SAMD15: variants seen among roughly 807,000 people sequenced by gnomAD.
SAMD15 encodes the protein sterile alpha motif domain containing 15.
A neutral mutation model predicts 50.5 loss-of-function variants in SAMD15; 37 were observed. That is an observed-to-expected ratio of 0.73 (90% CI 0.56 to 0.96). The LOEUF (loss-of-function observed/expected upper bound fraction) is 0.96. Ranked by LOEUF, SAMD15 falls within the 40% of genes least tolerant of loss-of-function variation. The pLI is 0.00. For missense variants in SAMD15, 789 were observed against 783.8 expected, an observed-to-expected ratio of 1.01 and a Z score of -0.08; for synonymous variants, 255 against 282.8, an observed-to-expected ratio of 0.90 and a Z score of 0.99.
intron 2 of SAMD15, among the ~76,000 whole-genome samples, chr14:77,386,097 C>G (rs142278551): frequency 1.2e-3 from 189 of 152,180 alleles, no homozygotes; most frequent in African/African-American, 4.3e-3. Context: ...CTCAAGCAAT[C>G]CACCCACCTT....
At position 77,391,357 on chromosome 14, in the gene SAMD15, AGAGTCTT is replaced by A; in HGVS notation, c.*115_*121del. 1.4e-6 allele frequency: 1 copy of A among 693,804 alleles called. No individual in the cohort carries two copies. Among genetic ancestry groups the A allele is most frequent in the Non-Finnish European group, 2.4e-6 (1 of 421,316 alleles). 43.0% of individuals were successfully genotyped at this position (693,804 alleles called of 1,614,324 possible). A position where few individuals can be genotyped will look rare whatever the true frequency, so the allele number is the denominator to read the frequency against. ...TTTTTTTTTTTTATTTTTTTGAGAC[AGAGTCTT>A]GCTCTGTCGCCCAGGCTGGAGTGCA... is the stretch of plus-strand genomic sequence containing the variant. On this transcript the variant is annotated 3_prime_UTR_variant, in exon 3 of 3. Coordinates refer to ENST00000216471, the MANE Select transcript of SAMD15 (RefSeq NM_001010860.4).
In SAMD15 at chr14:77,378,534, T is replaced by A; in HGVS notation, c.1116T>A (p.Asn372Lys). 2 of 1,612,866 alleles carry A rather than the reference T, an allele frequency of 1.2e-6. No homozygotes were observed. The highest frequency in any genetic ancestry group is 8.5e-7 in the Non-Finnish European group (1 of 1,179,738). ...EEIRKSNEKK[N>K]PQPPEETGPV... ...TAAGAAAGTCAAATGAGAAAAAAAA[T>A]CCACAGCCACCAGAGGAGACTGGTC... Residue 372 changes from asparagine to lysine, a missense_variant, in exon 1 of 3, where the codon AAT becomes AAA. Asn to Lys is a moderately conservative substitution (Grantham distance 94, BLOSUM62 0). This residue lies in a region of SAMD15 where 770 missense variants were observed against 745.4 expected (regional missense o/e 1.03). Coordinates refer to ENST00000216471, the MANE Select transcript of SAMD15 (RefSeq NM_001010860.4).
At chr14:77,383,721 C>T (rs1489144054) in intron 2 of SAMD15, among the ~76,000 whole-genome samples, 1 of 152,082 alleles carries the variant, frequency 6.6e-6, no homozygotes, top group Non-Finnish European at 1.5e-5. Context: ...GCCTGTAATC[C>T]CAGCACTTTG....
chr14:77,378,904 G>T lies in SAMD15; in HGVS notation c.1486G>T (p.Asp496Tyr), dbSNP rs151304084. The change falls in exon 1 of 3, where the codon GAT becomes TAT. Residue 496 changes from aspartate (D) to tyrosine (Y), a missense_variant. Asp to Tyr is a radical substitution (Grantham distance 160). Around this residue, in one of 2 missense-constraint regions of SAMD15, gnomAD observed 770 missense variants for 745.4 expected, o/e 1.03. Transcript: ENST00000216471. ...LNVSEECSYS[D>Y]PSESQTELSE... is the part of the protein sequence containing the mutation. ...TGTCAGTGAAGAATGCTCATACTCA[G>T]ATCCCTCAGAGTCTCAGACAGAATT... The T allele has an allele frequency of 6.2e-7, 1 of 1,614,036 alleles. No homozygotes were observed.
chr14:77,390,564 T>C (rs1200298252), intron 2 of SAMD15, among the ~76,000 whole-genome samples: 2 of 152,152 alleles, frequency 1.3e-5, no homozygotes, highest in Admixed American at 6.6e-5. Context: ...AGTAAGCCTG[T>C]GAATTTGTTT....
chr14:77,377,459 A>G lies in SAMD15; in HGVS notation c.41A>G (p.Glu14Gly). The change falls in exon 1 of 3, where the codon GAA becomes GGA. Residue 14 changes from glutamate (E) to glycine (G), a missense_variant. By Grantham distance (98) the Glu-to-Gly change is moderately conservative. Transcript: ENST00000216471. Reference protein sequence around the residue: ...VPEDYDSGPDEDGELEPERPE... With the variant: ...VPEDYDSGPDGDGELEPERPE... ...GAGGATTATGATTCCGGCCCAGATG[A>G]AGATGGAGAGCTGGAGCCTGAGAGG... 2 of 1,613,710 alleles carry G rather than the reference A, an allele frequency of 1.2e-6. No homozygotes were observed. The highest frequency in any genetic ancestry group is 1.7e-6 in the Non-Finnish European group (2 of 1,179,864).
rs192675089 is a variant in SAMD15 at position 77,378,713 on chromosome 14, A to G, written c.1295A>G (p.Tyr432Cys). ...AGGCCAGAACCAATAAAGTCTAAGTATTCTGTAGGAAACGATGAGCTAGAG... is the reference window on the plus strand; with the variant it reads ...AGGCCAGAACCAATAAAGTCTAAGTGTTCTGTAGGAAACGATGAGCTAGAG... ...EDRPEPIKSKYSVGNDELEHR... is the reference protein window; with the variant it reads ...EDRPEPIKSKCSVGNDELEHR... Residue 432 changes from tyrosine to cysteine, a missense_variant, in exon 1 of 3, where the codon TAT (tyrosine) becomes TGT (cysteine). Physicochemically the swap from Tyr to Cys is radical, Grantham distance 194. Around this residue, in one of 2 missense-constraint regions of SAMD15, gnomAD observed 770 missense variants for 745.4 expected, o/e 1.03. Transcript: ENST00000216471. The G allele has an allele frequency of 7.7e-4, 1,240 of 1,613,864 alleles. 12 individuals are homozygous for G. The South Asian group carries it at 0.012, about 16-fold the overall frequency.
At chr14:77,390,927 G>C (rs1594864184) in intron 2 of SAMD15, 81 bp from the exon 3 acceptor site, 1 of 849,736 alleles carries the variant, frequency 1.2e-6, no homozygotes, top group East Asian at 2.4e-5. Flanking sequence ...TATTCAAGAG[G>C]CTTAGAAAAC....
rs530927941 is a variant in SAMD15 at position 77,384,679 on chromosome 14, A to G, written c.1788+4198A>G. Among the ~76,000 whole-genome samples, 6 of 152,242 alleles carry G rather than the reference A, an allele frequency of 3.9e-5. No individual in the cohort carries two copies. In the East Asian group the frequency reaches 9.6e-4, roughly 24 times the overall value. Reference sequence around the variant, plus strand: ...TCCTGCTGCAGCCCCAGAATCAGCCATGTTTCTAAGGAGCCCTGGTTGATT... The same window carrying G: ...TCCTGCTGCAGCCCCAGAATCAGCCGTGTTTCTAAGGAGCCCTGGTTGATT... On this transcript the variant is annotated intron_variant, in intron 2 of 2. Coordinates refer to ENST00000216471, the MANE Select transcript of SAMD15 (RefSeq NM_001010860.4).
intron 2 of SAMD15, among the ~76,000 whole-genome samples, chr14:77,387,640 C>T (rs1894018776): frequency 6.6e-6 from 1 of 151,970 alleles, no homozygotes; most frequent in Non-Finnish European, 1.5e-5. Flanking sequence ...TATTAAGAAA[C>T]CCCTAAGCAC....
chr14:77,381,826 G>A (rs1490798006), intron 2 of SAMD15, among the ~76,000 whole-genome samples: 1 of 152,024 alleles, frequency 6.6e-6, no homozygotes, highest in Non-Finnish European at 1.5e-5. Context: ...CTGTGTTTGG[G>A]GCCTCTTATA....
chr14:77,390,855 A>C (rs1380950378), intron 2 of SAMD15, among the ~76,000 whole-genome samples, 153 bp from the exon 3 acceptor site: 1 of 152,220 alleles, frequency 6.6e-6, no homozygotes, highest in Non-Finnish European at 1.5e-5. Flanking sequence ...GCGCCACTGC[A>C]CTCCAGCCTG....
Position 77,378,283 on chromosome 14 carries a change from C to T in SAMD15, c.865C>T (p.Pro289Ser). 1 of 1,612,694 alleles carries T rather than the reference C, an allele frequency of 6.2e-7. No homozygotes were observed. The highest frequency in any genetic ancestry group is 2.2e-5 in the East Asian group (1 of 44,864). The stretch of plus-strand genomic sequence containing the variant: ...TCCAGAAGAGACTCAACCAGAGGTT[C>T]CAGAGGAGATGCAAAGAAAGGCAAC... ...EPPEETQPEV[P>S]EEMQRKATEE... The change falls in exon 1 of 3, where the codon CCA becomes TCA. Residue 289 changes from proline to serine, a missense_variant. By Grantham distance (74) the Pro-to-Ser change is moderately conservative. Transcript: ENST00000216471.
At chr14:77,387,754 C>A (rs1268599642) in intron 2 of SAMD15, among the ~76,000 whole-genome samples, 1 of 151,820 alleles carries the variant, frequency 6.6e-6, no homozygotes, top group Non-Finnish European at 1.5e-5. Context: ...AGAAAAATTC[C>A]AAAAACACAT....
chr14:77,391,577 A>G lies in SAMD15; in HGVS notation c.*333A>G. The stretch of plus-strand genomic sequence containing the variant: ...TGATCTGCCCGCCGTGGCGTCCCAA[A>G]GTGCTGGGATTACAAGCGTGACCTA... On this transcript the variant is annotated 3_prime_UTR_variant, in exon 3 of 3. Transcript: ENST00000216471. 1 of 193,060 alleles carries G rather than the reference A, an allele frequency of 5.2e-6. No individual in the cohort carries two copies. Among genetic ancestry groups the G allele is most frequent in the Non-Finnish European group, 1.0e-5 (1 of 95,374 alleles). 12.0% of individuals were successfully genotyped at this position (193,060 alleles called of 1,614,324 possible). A position where few individuals can be genotyped will look rare whatever the true frequency, so the allele number is the denominator to read the frequency against.
chr14:77,382,110 C>A (rs1197339297), intron 2 of SAMD15, among the ~76,000 whole-genome samples: 3 of 146,856 alleles, frequency 2.0e-5, no homozygotes, highest in Non-Finnish European at 3.0e-5. Flanking sequence ...CTAATTTTTT[C>A]TTCTTGTTGT....
At chr14:77,384,063 T>C (rs917700809) in intron 2 of SAMD15, among the ~76,000 whole-genome samples, 20 of 152,110 alleles carry the variant, frequency 1.3e-4, no homozygotes, top group African/African-American at 4.6e-4. Flanking sequence ...TGTAGCTGTC[T>C]TCCTTACTGA....
chr14:77,390,952 T>C, intron 2 of SAMD15, 56 bp from the exon 3 acceptor site: 1 of 1,029,084 alleles, frequency 9.7e-7, no homozygotes, highest in Non-Finnish European at 1.5e-6. Context: ...TAAACCTTCT[T>C]TGATTTGGTT....
Position 77,378,859 on chromosome 14 carries a change from C to G in SAMD15, c.1441C>G (p.Pro481Ala). ...SIGTHYEFLQ[P>A]LQKLLNVSEE... ...TGGTACACATTATGAGTTTTTGCAA[C>G]CACTCCAAAAATTGCTTAATGTCAG... is the stretch of plus-strand genomic sequence containing the variant. The change falls in exon 1 of 3, where the codon CCA (proline) becomes GCA (alanine). Residue 481 changes from proline to alanine, a missense_variant. Pro to Ala is a conservative substitution (Grantham distance 27, BLOSUM62 -1). Transcript: ENST00000216471. 1 of 1,613,968 alleles carries G rather than the reference C, an allele frequency of 6.2e-7. No individual in the cohort carries two copies. The highest frequency in any genetic ancestry group is 8.5e-7 in the Non-Finnish European group (1 of 1,179,960).
Sources: allele counts gnomAD v4.1 joint callset (sites outside exome capture counted in the v4.1 genomes callset), GRCh38; gene constraint gnomAD v4.1.1; regional missense constraint gnomAD v4.1.1; transcripts MANE v1.5; gene names NCBI Gene and HGNC (gene_info 2026-07-23, HGNC 2026-07-21).